Variants in CMIP observed in about 807,000 individuals in gnomAD.
CMIP encodes the protein c-Maf inducing protein.
A neutral mutation model predicts 97.3 loss-of-function variants in CMIP; 13 were observed. The ratio of observed to expected loss-of-function variants is 0.13; its 90% CI spans 0.09 to 0.21. The LOEUF (loss-of-function observed/expected upper bound fraction) is 0.21. Among genes scored for constraint, CMIP ranks in the 10% least tolerant of loss-of-function variants. The pLI, the probability that CMIP is intolerant of heterozygous loss-of-function variation, is 1.00. For missense variants in CMIP, 847 were observed against 1,024.9 expected (o/e 0.83, Z 2.37); for synonymous variants, 538 against 436.3 (o/e 1.23, Z -2.91).
chr16:81,529,162 A>G (rs2090185249), intron 1 of CMIP, among the ~76,000 whole-genome samples: 1 of 152,256 alleles, frequency 6.6e-6, no homozygotes, highest in South Asian at 2.1e-4. Flanking sequence ...TAAGGGGGGA[A>G]GAAGAGAGAG....
intron 1 of CMIP, among the ~76,000 whole-genome samples, chr16:81,572,817 G>A (rs917986886): frequency 6.6e-6 from 1 of 152,090 alleles, no homozygotes; most frequent in African/African-American, 2.4e-5. Flanking sequence ...ATCGAGCTTG[G>A]TGCCCACCCT....
At chr16:81,534,731 G>A (rs1208627357) in intron 1 of CMIP, among the ~76,000 whole-genome samples, 3 of 152,060 alleles carry the variant, frequency 2.0e-5, no homozygotes, top group African/African-American at 7.2e-5. Context: ...AAGGTGTGAG[G>A]CAGGGAATAA....
intron 20 of CMIP, among the ~76,000 whole-genome samples, chr16:81,708,025 C>G (rs1908343405): frequency 6.6e-6 from 1 of 152,274 alleles, no homozygotes; most frequent in Non-Finnish European, 1.5e-5. Context: ...TCTGGAGCCT[C>G]TGCTGTGTAC....
intron 1 of CMIP, among the ~76,000 whole-genome samples, chr16:81,457,493 G>A (rs777893161): frequency 1.3e-5 from 2 of 152,174 alleles, no homozygotes; most frequent in Non-Finnish European, 2.9e-5. Flanking sequence ...TACACAGGGA[G>A]CAGGAGGAGC....
chr16:81,650,223 A>G (rs529649510), intron 3 of CMIP, among the ~76,000 whole-genome samples: 35 of 152,188 alleles, frequency 2.3e-4, no homozygotes, highest in South Asian at 4.2e-4. Flanking sequence ...CTGGCAAGTG[A>G]ATGTTCCTGG....
chr16:81,491,591 G>A (rs1389117504), intron 1 of CMIP, among the ~76,000 whole-genome samples: 1 of 152,190 alleles, frequency 6.6e-6, no homozygotes, highest in Non-Finnish European at 1.5e-5. Flanking sequence ...CCCAAGTATG[G>A]AAATCCTACC....
At chr16:81,548,418 G>T (rs1213241132) in intron 1 of CMIP, among the ~76,000 whole-genome samples, 1 of 152,074 alleles carries the variant, frequency 6.6e-6, no homozygotes, top group Non-Finnish European at 1.5e-5. Context: ...ATTACAGTGT[G>T]AGGCACCAGC....
chr16:81,665,863 C>T (rs905714376), intron 7 of CMIP: 3 of 152,236 alleles, frequency 2.0e-5, no homozygotes, highest in African/African-American at 7.2e-5. Flanking sequence ...CTTTCCCCTC[C>T]TGCATTCCAG....
At chr16:81,526,932 C>T (rs893459991) in intron 1 of CMIP, among the ~76,000 whole-genome samples, 5 of 152,188 alleles carry the variant, frequency 3.3e-5, no homozygotes, top group African/African-American at 9.7e-5. Context: ...CTCTCAGTTC[C>T]TTGGATGGCT....
intron 1 of CMIP, among the ~76,000 whole-genome samples, chr16:81,457,423 A>G (rs1906619865): frequency 6.6e-6 from 1 of 152,204 alleles, no homozygotes; most frequent in Non-Finnish European, 1.5e-5. Flanking sequence ...AATCACCCGT[A>G]TTAACCATGT....
chr16:81,685,183 G>A (rs922464720), intron 10 of CMIP, among the ~76,000 whole-genome samples: 1 of 152,142 alleles, frequency 6.6e-6, no homozygotes, highest in African/African-American at 2.4e-5. Context: ...GGTCTGGGCC[G>A]AGGCAAGGAA....
chr16:81,665,349 C>T (rs1242350172), intron 7 of CMIP: 2 of 152,206 alleles, frequency 1.3e-5, no homozygotes, highest in African/African-American at 4.8e-5. Context: ...ATAAGAATAA[C>T]ATCTTTTTGC....
At chr16:81,527,239 G>T (rs888827953) in intron 1 of CMIP, among the ~76,000 whole-genome samples, 2 of 152,232 alleles carry the variant, frequency 1.3e-5, no homozygotes, top group Non-Finnish European at 2.9e-5. Context: ...TTGGCCGGGA[G>T]CCCACGGTGG....
intron 1 of CMIP, among the ~76,000 whole-genome samples, chr16:81,570,515 C>T (rs918517343): frequency 2.6e-5 from 4 of 152,140 alleles, no homozygotes; most frequent in East Asian, 3.9e-4. Flanking sequence ...GTGGTGGGAC[C>T]GCTAGTTTTG....
intron 1 of CMIP, among the ~76,000 whole-genome samples, chr16:81,490,824 C>G (rs140484445): frequency 1.3e-5 from 2 of 152,122 alleles, no homozygotes; most frequent in Non-Finnish European, 2.9e-5. Context: ...AGCAAATGCA[C>G]AGGCCCCAAG....
At chr16:81,673,919 C>T (rs1223884144) in intron 9 of CMIP, among the ~76,000 whole-genome samples, 1 of 152,208 alleles carries the variant, frequency 6.6e-6, no homozygotes, top group Non-Finnish European at 1.5e-5. Flanking sequence ...GAGGGTATTT[C>T]AGTCTTTTCT....
chr16:81,567,727 C>G (rs2091007990), intron 1 of CMIP, among the ~76,000 whole-genome samples: 1 of 152,242 alleles, frequency 6.6e-6, no homozygotes, highest in African/African-American at 2.4e-5. Flanking sequence ...GCTGTGTCGT[C>G]TGCACAGAAC....
At chr16:81,665,555 G>C (rs2092594079) in intron 7 of CMIP, 1 of 152,190 alleles carries the variant, frequency 6.6e-6, no homozygotes, top group African/African-American at 2.4e-5. Context: ...GGCAGCCTGA[G>C]GCCAGGGCCC....
chr16:81,509,581 C>T (rs368843357), intron 1 of CMIP, among the ~76,000 whole-genome samples: 1 of 152,194 alleles, frequency 6.6e-6, no homozygotes, highest in Non-Finnish European at 1.5e-5. Flanking sequence ...CTGTCTTTCC[C>T]TTCCGCCCAC....
Sources: allele counts gnomAD v4.1 joint callset (sites outside exome capture counted in the v4.1 genomes callset), GRCh38; gene constraint gnomAD v4.1.1; transcripts MANE v1.5; gene names NCBI Gene and HGNC (gene_info 2026-07-23, HGNC 2026-07-21).